Variants in APPBP2 observed in about 807,000 individuals in gnomAD.
APPBP2 encodes the protein amyloid beta precursor protein binding protein 2.
A neutral mutation model predicts 76.0 loss-of-function variants in APPBP2; 15 were observed. The ratio of observed to expected loss-of-function variants is 0.20; its 90% CI spans 0.13 to 0.30. The LOEUF (loss-of-function observed/expected upper bound fraction) is 0.30, where lower values mean the gene tolerates loss of function less well. Among genes scored for constraint, APPBP2 ranks in the 10% least tolerant of loss-of-function variants. APPBP2 has a pLI of 1.00. For synonymous variants in APPBP2, 222 were observed against 242.2 expected (o/e 0.92, Z 0.77); for missense variants, 401 against 687.2 (o/e 0.58, Z 4.66).
chr17:60,490,215 G>A (rs1308596704), intron 3 of APPBP2, among the ~76,000 whole-genome samples: 1 of 152,072 alleles, frequency 6.6e-6, no homozygotes, highest in Non-Finnish European at 1.5e-5. Context: ...AACTAAGTAA[G>A]GCCAGTAGTC....
chr17:60,496,784 G>A (rs1488952827), intron 2 of APPBP2, among the ~76,000 whole-genome samples: 2 of 152,106 alleles, frequency 1.3e-5, no homozygotes. Context: ...GCAGCGGTGT[G>A]ATGTTGGCTC....
At chr17:60,488,663 G>A (rs796383190) in intron 3 of APPBP2, among the ~76,000 whole-genome samples, 2 of 152,232 alleles carry the variant, frequency 1.3e-5, no homozygotes, top group African/African-American at 4.8e-5. Flanking sequence ...AGTTTGCCAG[G>A]ACTTGGTTCT....
At position 60,466,335 on chromosome 17, in the gene APPBP2, C is replaced by G; in HGVS notation, c.628G>C (p.Gly210Arg). The G allele has an allele frequency of 6.2e-7, 1 of 1,613,996 alleles. No homozygotes were observed. ...GCAAATAGGAGTGCACACAGTTCTC[C>G]ATAGAGTGCAGCTTTATTTGCTTGC... ...GQQANKAALY[G>R]ELCALLFAKS... Residue 210 changes from glycine (G) to arginine (R), a missense_variant, in exon 5 of 13, where the codon GGA becomes CGA. Coordinates refer to ENST00000083182, the MANE Select transcript of APPBP2 (RefSeq NM_006380.5).
At chr17:60,463,075 ATAACT>A (rs2090488069) in intron 6 of APPBP2, among the ~76,000 whole-genome samples, 1 of 152,146 alleles carries the variant, frequency 6.6e-6, no homozygotes, top group Non-Finnish European at 1.5e-5. Context: ...TCTAGCTCTG[ATAACT>A]TAAATATTTA....
At chr17:60,514,087 A>T (rs2090943366) in intron 1 of APPBP2, among the ~76,000 whole-genome samples, 1 of 151,320 alleles carries the variant, frequency 6.6e-6, no homozygotes, top group Non-Finnish European at 1.5e-5. Context: ...CAGGAAGATC[A>T]CTTGAACCCA....
chr17:60,513,756 G>A (rs1276692199), intron 1 of APPBP2, among the ~76,000 whole-genome samples: 2 of 151,524 alleles, frequency 1.3e-5, no homozygotes, highest in Admixed American at 6.6e-5. Context: ...CCAGCTACTC[G>A]GGAGGCTGAG....
intron 10 of APPBP2, among the ~76,000 whole-genome samples, chr17:60,455,694 T>C (rs1249761461): frequency 6.6e-6 from 1 of 152,206 alleles, no homozygotes; most frequent in Non-Finnish European, 1.5e-5. Context: ...ACATTTGTAT[T>C]ATGCTTCCAT....
rs61735447 is a variant in APPBP2 at position 60,526,185 on chromosome 17, G to T, written c.-254C>A. On this transcript the variant is annotated 5_prime_UTR_variant, in exon 1 of 13. Coordinates refer to ENST00000083182, the MANE Select transcript of APPBP2 (RefSeq NM_006380.5). ...GCCAAAAGCGTCACAATCCCGGTTC[G>T]AGAGGAACCCGGGTTCCGTCCCAGC... The T allele has an allele frequency of 9.2e-4, 450 of 488,400 alleles. 2 individuals are homozygous for T. Among genetic ancestry groups the T allele is most frequent in the African/African-American group, 8.0e-3 (412 of 51,266 alleles). 30.3% of individuals were successfully genotyped at this position (488,400 alleles called of 1,614,324 possible).
At chr17:60,453,223 C>A (rs2090407972) in intron 11 of APPBP2, among the ~76,000 whole-genome samples, 1 of 152,082 alleles carries the variant, frequency 6.6e-6, no homozygotes, top group Non-Finnish European at 1.5e-5. Context: ...ATGAGTCTCA[C>A]TCTGTTATCC....
intron 7 of APPBP2, 26 bp from the exon 8 acceptor site, chr17:60,461,941 G>A (rs746165528): frequency 1.2e-6 from 2 of 1,606,810 alleles, no homozygotes; most frequent in East Asian, 4.5e-5. Flanking sequence ...AAATTATTAG[G>A]ATATAAAGTA....
intron 1 of APPBP2, among the ~76,000 whole-genome samples, chr17:60,520,570 T>TAA (rs781626784): frequency 1.1e-4 from 11 of 99,854 alleles, no homozygotes; most frequent in South Asian, 2.6e-4. Flanking sequence ...AAGACTCTGT[T>TAA]AAAAAAAAAA....
In APPBP2 at chr17:60,524,952, C is replaced by T. The variant is rs74545779; in HGVS notation, c.138+842G>A. 2.7e-4 allele frequency among the ~76,000 whole-genome samples: 41 copies of T among 152,328 alleles called. 1 individual carries two copies. The East Asian group carries it at 6.9e-3, about 26-fold the overall frequency. On this transcript the variant is annotated intron_variant, in intron 1 of 12. Coordinates refer to ENST00000083182, the MANE Select transcript of APPBP2 (RefSeq NM_006380.5). ...GGCTCTGAGTCCATAAAGTTCTCCACACTCTGAAAACACTGCAAAAATAGT... is the reference window on the plus strand; with the variant it reads ...GGCTCTGAGTCCATAAAGTTCTCCATACTCTGAAAACACTGCAAAAATAGT...
At chr17:60,466,491 T>C (rs2090512622) in intron 4 of APPBP2, 32 bp from the exon 5 acceptor site, 4 of 1,599,024 alleles carry the variant, frequency 2.5e-6, no homozygotes, top group Non-Finnish European at 3.4e-6. Context: ...GCTCTATTTT[T>C]GATATTTTCA....
chr17:60,503,601 G>A (rs1598369667), intron 1 of APPBP2, among the ~76,000 whole-genome samples: 2 of 145,960 alleles, frequency 1.4e-5, no homozygotes, highest in East Asian at 1.9e-4. Flanking sequence ...GGCCAGGCTG[G>A]TCTTGAACTC....
intron 1 of APPBP2, among the ~76,000 whole-genome samples, chr17:60,506,452 T>C (rs1467962083): frequency 2.0e-5 from 3 of 152,222 alleles, no homozygotes; most frequent in African/African-American, 7.2e-5. Flanking sequence ...GCCTGGTTAG[T>C]TTATAACTCA....
Position 60,446,429 on chromosome 17 carries a change from C to G in APPBP2, c.*1152G>C, listed in dbSNP as rs1413526321. ...ACTCCTAGATTTCAAATGAAATGAC[C>G]TAGTTGTATTACTATTTACCATAAA... is the stretch of plus-strand genomic sequence containing the variant. On this transcript the variant is annotated 3_prime_UTR_variant, in exon 13 of 13. Coordinates refer to ENST00000083182, the MANE Select transcript of APPBP2 (RefSeq NM_006380.5). 6.6e-6 allele frequency: 1 copy of G among 152,110 alleles called. No individual in the cohort carries two copies. The highest frequency in any genetic ancestry group is 2.4e-5 in the African/African-American group (1 of 41,426). 9.4% of individuals were successfully genotyped at this position (152,110 alleles called of 1,614,324 possible). A position where few individuals can be genotyped will look rare whatever the true frequency, so the allele number is the denominator to read the frequency against.
chr17:60,519,471 T>C (rs989460932), intron 1 of APPBP2, among the ~76,000 whole-genome samples: 7 of 151,702 alleles, frequency 4.6e-5, no homozygotes, highest in Non-Finnish European at 8.8e-5. Context: ...TAAGGTTTTT[T>C]TTGTTGTTAT....
chr17:60,477,405 T>C (rs964652546), intron 4 of APPBP2: 1 of 152,184 alleles, frequency 6.6e-6, no homozygotes, highest in Non-Finnish European at 1.5e-5. Flanking sequence ...ATGATAAAAA[T>C]CATACAAAAT....
At position 60,525,779 on chromosome 17, in the gene APPBP2, G is replaced by C. The variant is rs1184117426; in HGVS notation, c.138+15C>G. The C allele has an allele frequency of 1.2e-6, 2 of 1,613,538 alleles. No homozygotes were observed. The highest frequency in any genetic ancestry group is 1.7e-6 in the Non-Finnish European group (2 of 1,179,858). On this transcript the variant is annotated intron_variant, in intron 1 of 12. Transcript: ENST00000083182. Reference sequence around the variant, plus strand: ...GTTGCTGGAGGAGAGCAGAGAGGAGGCCCACGGCGCATACCTTGTAGTAAA... The same window carrying C: ...GTTGCTGGAGGAGAGCAGAGAGGAGCCCCACGGCGCATACCTTGTAGTAAA...
Sources: gnomAD v4.1 joint callset for allele counts (sites outside exome capture counted in the v4.1 genomes callset) on GRCh38, gnomAD v4.1.1 for gene constraint, MANE v1.5 for transcripts, NCBI Gene and HGNC (gene_info 2026-07-23, HGNC 2026-07-21) for gene names.